The following PTPRD variants were observed in gnomAD, a reference collection of about 807,000 sequenced individuals.
PTPRD encodes the protein protein tyrosine phosphatase receptor type D.
In PTPRD, 34 loss-of-function variants were observed where a neutral mutation model predicts 214.5. The observed-to-expected ratio is 0.16, with a 90% CI of 0.12 to 0.21. The LOEUF is 0.21. Ranked by LOEUF, PTPRD falls within the 10% of genes least tolerant of loss-of-function variation. The pLI is 1.00. For synonymous variants in PTPRD, 1,128 were observed against 845.7 expected (o/e 1.33, Z -5.79); for missense variants, 2,545 against 2,398.7 (o/e 1.06, Z -1.27).
Position 8,436,707 on chromosome 9 carries a change from GAAGA to G in PTPRD, c.3989-22_3989-19del. 1 of 1,567,582 alleles carries G rather than the reference GAAGA, an allele frequency of 6.4e-7. No homozygotes were observed. Among genetic ancestry groups the G allele is most frequent in the Non-Finnish European group, 8.8e-7 (1 of 1,140,382 alleles). The stretch of plus-strand genomic sequence containing the variant: ...AGCCATACCTATTGAAAAAAGCAAA[GAAGA>G]AACACATTTGAAAACAAATGAAAAT... On this transcript the variant is annotated intron_variant, in intron 34 of 45. Transcript: ENST00000381196.
chr9:10,468,759 T>C (rs1034626999), intron 2 of PTPRD, among the ~76,000 whole-genome samples: 2 of 152,172 alleles, frequency 1.3e-5, no homozygotes, highest in East Asian at 1.9e-4. Flanking sequence ...TGAATGTTTA[T>C]GTATATTTAT....
In PTPRD at chr9:9,253,503, G is replaced by GA. The variant is rs34372973; in HGVS notation, c.-202-70141dup. Among the ~76,000 whole-genome samples, 15 of 149,946 alleles carry GA rather than the reference G, an allele frequency of 1.0e-4. No individual in the cohort carries two copies. The East Asian group carries it at 1.6e-3, about 16-fold the overall frequency. On this transcript the variant is annotated intron_variant, in intron 9 of 45. Transcript: ENST00000381196. ...TTTGAGCTTGACTGCACTTGTTTTT[G>GA]AAAAAAAAAATATGTATACACATAT...
intron 12 of PTPRD, among the ~76,000 whole-genome samples, chr9:8,715,198 C>G (rs1447298024): frequency 6.6e-6 from 1 of 152,090 alleles, no homozygotes; most frequent in African/African-American, 2.4e-5. Flanking sequence ...CTAAGCTCAG[C>G]AGAAAAAGCA....
At chr9:9,671,857 G>C (rs2096838635) in intron 7 of PTPRD, among the ~76,000 whole-genome samples, 1 of 152,136 alleles carries the variant, frequency 6.6e-6, no homozygotes. Context: ...GTCTTTATCA[G>C]CAGCATGAAA....
At chr9:9,224,239 T>TGC (rs1199043762) in intron 9 of PTPRD, among the ~76,000 whole-genome samples, 1 of 152,030 alleles carries the variant, frequency 6.6e-6, no homozygotes, top group East Asian at 1.9e-4. Flanking sequence ...ACATGACTCC[T>TGC]GCTTTAGTGA....
chr9:8,565,779 G>T (rs574064089), intron 14 of PTPRD, among the ~76,000 whole-genome samples: 31 of 152,160 alleles, frequency 2.0e-4, no homozygotes, highest in African/African-American at 6.3e-4. Flanking sequence ...TTTATGAGAC[G>T]CTTATCAAAA....
At chr9:9,934,246 A>G (rs1157578176) in intron 5 of PTPRD, among the ~76,000 whole-genome samples, 2 of 147,592 alleles carry the variant, frequency 1.4e-5, no homozygotes, top group Non-Finnish European at 2.9e-5. Flanking sequence ...AACTGAAGGA[A>G]ATAGAGACAC....
At chr9:9,074,047 A>G (rs1432786443) in intron 10 of PTPRD, among the ~76,000 whole-genome samples, 2 of 152,110 alleles carry the variant, frequency 1.3e-5, no homozygotes, top group African/African-American at 4.8e-5. Context: ...CTAAGATTTC[A>G]TTAAATAGAA....
At chr9:10,131,780 A>G (rs571782268) in intron 3 of PTPRD, among the ~76,000 whole-genome samples, 1 of 152,278 alleles carries the variant, frequency 6.6e-6, no homozygotes, top group South Asian at 2.1e-4. Context: ...ACAATTTTCT[A>G]AAGCTACCTT....
At chr9:8,941,273 G>A (rs547197564) in intron 11 of PTPRD, among the ~76,000 whole-genome samples, 1 of 152,216 alleles carries the variant, frequency 6.6e-6, no homozygotes, top group South Asian at 2.1e-4. Flanking sequence ...AAACACTAAA[G>A]TAAAAGCTTT....
intron 14 of PTPRD, among the ~76,000 whole-genome samples, chr9:8,592,051 C>T (rs781522121): frequency 1.1e-4 from 17 of 151,890 alleles, no homozygotes; most frequent in African/African-American, 2.7e-4. Context: ...ATAAAATGTA[C>T]GGGGTCAAAA....
intron 11 of PTPRD, among the ~76,000 whole-genome samples, chr9:8,879,153 C>T (rs966732923): frequency 2.0e-5 from 3 of 152,078 alleles, no homozygotes; most frequent in African/African-American, 4.8e-5. Flanking sequence ...TATCTATAGG[C>T]GTATGTTGTC....
At chr9:8,334,377 A>G (rs1408563662) in intron 43 of PTPRD, among the ~76,000 whole-genome samples, 4 of 151,638 alleles carry the variant, frequency 2.6e-5, no homozygotes, top group Non-Finnish European at 4.4e-5. Flanking sequence ...TCAAGATTAA[A>G]AAAAAAACCA....
At chr9:8,969,489 A>T (rs1484970628) in intron 11 of PTPRD, among the ~76,000 whole-genome samples, 1 of 152,114 alleles carries the variant, frequency 6.6e-6, no homozygotes, top group East Asian at 1.9e-4. Context: ...TAATAGTTTC[A>T]TATTATACAA....
At chr9:8,330,124 AAAGGG>A (rs1838491577) in intron 44 of PTPRD, among the ~76,000 whole-genome samples, 3 of 152,064 alleles carry the variant, frequency 2.0e-5, no homozygotes, top group Admixed American at 2.0e-4. Context: ...CTTGGCTAGG[AAAGGG>A]AAATCCCCTG....
At chr9:9,708,660 A>T (rs2097670730) in intron 7 of PTPRD, among the ~76,000 whole-genome samples, 1 of 152,030 alleles carries the variant, frequency 6.6e-6, no homozygotes. Flanking sequence ...ACTTTTACAG[A>T]CATTAAAAAA....
At chr9:8,414,063 T>C (rs2093717074) in intron 35 of PTPRD, among the ~76,000 whole-genome samples, 1 of 152,156 alleles carries the variant, frequency 6.6e-6, no homozygotes, top group African/African-American at 2.4e-5. Context: ...GTGGAATGAA[T>C]AGCTAAGATA....
At chr9:10,136,481 T>G (rs778717435) in intron 3 of PTPRD, among the ~76,000 whole-genome samples, 5 of 152,112 alleles carry the variant, frequency 3.3e-5, no homozygotes, top group Non-Finnish European at 7.4e-5. Context: ...ACAGGCTTAA[T>G]GATAAAGCAA....
chr9:10,223,670 AAATAATAAT>A (rs67338126), intron 3 of PTPRD, among the ~76,000 whole-genome samples: 5,640 of 134,310 alleles, frequency 0.042, 143 homozygotes, highest in Middle Eastern at 0.1. Flanking sequence ...ATTCTGTCTC[AAATAATAAT>A]AATAATAATA....
Sources: allele counts gnomAD v4.1 joint callset (sites outside exome capture counted in the v4.1 genomes callset), GRCh38; gene constraint gnomAD v4.1.1; transcripts MANE v1.5; gene names NCBI Gene and HGNC (gene_info 2026-07-23, HGNC 2026-07-21).